MYPN: variants seen among roughly 807,000 people sequenced by gnomAD.
MYPN encodes the protein sarcomeric protein myopalladin, 145 kDa (MYOP).
MYPN carries 63 observed loss-of-function variants against 129.4 expected under a neutral mutation model. That is an observed-to-expected ratio of 0.49 (90% CI 0.40 to 0.60). MYPN has a LOEUF of 0.60. Ranked by LOEUF, MYPN falls within the 20% of genes least tolerant of loss-of-function variation. The probability of loss-of-function intolerance (pLI) is 0.00; values close to 1 mark genes in which losing one functional copy is unlikely to be tolerated. For synonymous variants in MYPN, 629 were observed against 600.9 expected, an observed-to-expected ratio of 1.05 and a Z score of -0.68; for missense variants, 1,596 against 1,635.4, an observed-to-expected ratio of 0.98 and a Z score of 0.42.
At chr10:68,192,930 ATGTT>A (rs2043539591) in intron 13 of MYPN, among the ~76,000 whole-genome samples, 1 of 151,866 alleles carries the variant, frequency 6.6e-6, no homozygotes, top group Non-Finnish European at 1.5e-5. Context: ...GTCTAGCTAA[ATGTT>A]TGTCAATTTT....
At chr10:68,138,428 C>CTTTT (rs879807023) in intron 2 of MYPN, among the ~76,000 whole-genome samples, 1 of 142,910 alleles carries the variant, frequency 7.0e-6, no homozygotes, top group Admixed American at 7.1e-5. Context: ...TTCTTTCTTT[C>CTTTT]TTTTTTTTTT....
chr10:68,166,597 A>G lies in MYPN; in HGVS notation c.1904A>G (p.Gln635Arg). The change falls in exon 10 of 20, where the codon CAG (glutamine) becomes CGG (arginine). Residue 635 changes from glutamine (Q) to arginine (R), a missense_variant. Coordinates refer to ENST00000358913, the MANE Select transcript of MYPN (RefSeq NM_032578.4). ...TCTTTCCAGGAGAGGTTCAACGGAC[A>G]GGCAACAAAAACCCCAGAGCCTTCT... ...PDSFQERFNG[Q>R]ATKTPEPSSP... 3.1e-6 allele frequency: 5 copies of G among 1,614,192 alleles called. No individual in the cohort carries two copies. The highest frequency in any genetic ancestry group is 4.2e-6 in the Non-Finnish European group (5 of 1,180,016).
intron 2 of MYPN, among the ~76,000 whole-genome samples, chr10:68,135,786 A>C (rs1351012119): frequency 6.6e-6 from 1 of 152,240 alleles, no homozygotes; most frequent in African/African-American, 2.4e-5. Flanking sequence ...AGAGGTAAAC[A>C]AAACAAATGA....
chr10:68,103,238 T>C (rs1053142936), upstream of MYPN, among the ~76,000 whole-genome samples: 2 of 152,242 alleles, frequency 1.3e-5, no homozygotes, highest in African/African-American at 4.8e-5. Flanking sequence ...GAATTTTCCA[T>C]GGTCTGTGTT....
intron 12 of MYPN, among the ~76,000 whole-genome samples, chr10:68,181,500 G>T (rs965860055): frequency 1.3e-5 from 2 of 151,986 alleles, no homozygotes; most frequent in African/African-American, 2.4e-5. Context: ...ATGCTGGCCA[G>T]GCTGGTCTCG....
intron 15 of MYPN, among the ~76,000 whole-genome samples, chr10:68,196,287 C>A (rs1311270122): frequency 6.6e-6 from 1 of 152,142 alleles, no homozygotes; most frequent in African/African-American, 2.4e-5. Flanking sequence ...TGGTTTTCTT[C>A]CTCTCTGATT....
At chr10:68,111,103 G>A (rs1315579477) in intron 1 of MYPN, among the ~76,000 whole-genome samples, 1 of 152,174 alleles carries the variant, frequency 6.6e-6, no homozygotes, top group Non-Finnish European at 1.5e-5. Context: ...GGCACTTTCA[G>A]TAGAACAGAC....
chr10:68,116,660 C>T (rs1174314223), intron 1 of MYPN, among the ~76,000 whole-genome samples: 1 of 151,110 alleles, frequency 6.6e-6, no homozygotes, highest in African/African-American at 2.4e-5. Context: ...CGCTTGAACA[C>T]GGGAGACAGA....
At chr10:68,119,005 C>T (rs530475405) in intron 1 of MYPN, among the ~76,000 whole-genome samples, 3 of 152,118 alleles carry the variant, frequency 2.0e-5, no homozygotes, top group African/African-American at 4.8e-5. Context: ...CACTTAATTT[C>T]CCCCCCATCT....
intron 2 of MYPN, chr10:68,136,549 AG>A (rs1004343930): frequency 9.3e-5 from 133 of 1,431,516 alleles, no homozygotes; most frequent in Middle Eastern, 1.8e-4. Context: ...CTAATTTCTA[AG>A]TGGGTCATGC....
intron 1 of MYPN, among the ~76,000 whole-genome samples, chr10:68,113,779 T>A (rs2042114547): frequency 6.6e-6 from 1 of 152,018 alleles, no homozygotes; most frequent in South Asian, 2.1e-4. Flanking sequence ...AAATTAAAAA[T>A]TGTATATATT....
At position 68,150,102 on chromosome 10, in the gene MYPN, G is replaced by A. The variant is rs763286210; in HGVS notation, c.1308G>A (p.Val436=). The A allele has an allele frequency of 8.7e-6, 14 of 1,612,956 alleles. No individual in the cohort carries two copies. The highest frequency in any genetic ancestry group is 1.1e-5 in the Non-Finnish European group (13 of 1,179,178). ...LDGKPIIAAP[V]FTKMLQNLSA... ...GAAAACCTATCATTGCAGCTCCTGT[G>A]TTTACAAAGGTAATAAAAATATTAC... is the stretch of plus-strand genomic sequence containing the variant. Residue 436 remains valine (V), a synonymous_variant, in exon 6 of 20, where the codon GTG becomes GTA. Transcript: ENST00000358913.
At chr10:68,091,720 T>G (rs1281743098) in intron 1 of MYPN, among the ~76,000 whole-genome samples, 1 of 142,578 alleles carries the variant, frequency 7.0e-6, no homozygotes, top group South Asian at 2.6e-4. Context: ...AATTTGCTCG[T>G]TTTTTTTTTA....
intron 12 of MYPN, among the ~76,000 whole-genome samples, chr10:68,185,423 G>A (rs1044634874): frequency 2.6e-5 from 4 of 151,910 alleles, no homozygotes; most frequent in African/African-American, 9.7e-5. Context: ...TCCCTAGTGG[G>A]GGCCTCCAGG....
Position 68,166,319 on chromosome 10 carries a change from G to A in MYPN, c.1626G>A (p.Gly542=). The A allele has an allele frequency of 6.2e-7, 1 of 1,613,988 alleles. No individual in the cohort carries two copies. Among genetic ancestry groups the A allele is most frequent in the Non-Finnish European group, 8.5e-7 (1 of 1,180,020 alleles). Residue 542 remains glycine (G), a synonymous_variant, in exon 10 of 20, where the codon GGG becomes GGA. Coordinates refer to ENST00000358913, the MANE Select transcript of MYPN (RefSeq NM_032578.4). ...VRGNEDLSNN[G]SLHSANSTTN... is the part of the protein sequence containing the mutation. ...GAAATGAGGACCTCAGCAACAACGG[G>A]TCTCTTCACTCAGCCAACTCTACCA...
At chr10:68,127,365 C>T (rs1283837218) in intron 2 of MYPN, among the ~76,000 whole-genome samples, 2 of 105,722 alleles carry the variant, frequency 1.9e-5, no homozygotes, top group African/African-American at 7.6e-5. Flanking sequence ...CTCGCTCTGT[C>T]ACCCAGGCTG....
intron 1 of MYPN, among the ~76,000 whole-genome samples, chr10:68,097,302 G>A (rs1366295320): frequency 2.0e-5 from 3 of 151,996 alleles, no homozygotes; most frequent in Non-Finnish European, 4.4e-5. Context: ...TGTCAGCCTC[G>A]GGATAGACGC....
intron 13 of MYPN, among the ~76,000 whole-genome samples, chr10:68,193,606 C>A (rs922028393): frequency 2.0e-5 from 3 of 152,106 alleles, no homozygotes; most frequent in African/African-American, 7.2e-5. Flanking sequence ...GATTTACACC[C>A]AGCATGTTTG....
intron 16 of MYPN, among the ~76,000 whole-genome samples, chr10:68,198,449 T>C (rs2043648387): frequency 6.6e-6 from 1 of 152,150 alleles, no homozygotes; most frequent in South Asian, 2.1e-4. Context: ...TTTCTGCCCA[T>C]AGATGCAGAA....
Sources: allele counts gnomAD v4.1 joint callset (sites outside exome capture counted in the v4.1 genomes callset), GRCh38; gene constraint gnomAD v4.1.1; transcripts MANE v1.5; gene names NCBI Gene and HGNC (gene_info 2026-07-23, HGNC 2026-07-21).